PTPRM: variants seen among roughly 807,000 people sequenced by gnomAD.
PTPRM encodes receptor-type tyrosine-protein phosphatase mu.
Under a neutral mutation model 186.7 loss-of-function variants are expected in PTPRM, and 47 were observed. That is an observed-to-expected ratio of 0.25 (90% CI 0.20 to 0.32). PTPRM has a LOEUF of 0.32. PTPRM is among the 10% of genes least tolerant of loss of function. PTPRM has a pLI of 1.00. For synonymous variants in PTPRM, 668 were observed against 674.9 expected, an observed-to-expected ratio of 0.99 and a Z score of 0.16; for missense variants, 1,494 against 1,865.0, an observed-to-expected ratio of 0.80 and a Z score of 3.66.
intron 2 of PTPRM, among the ~76,000 whole-genome samples, chr18:7,804,175 T>A (rs1333659217): frequency 6.6e-6 from 1 of 152,128 alleles, no homozygotes; most frequent in African/African-American, 2.4e-5. Flanking sequence ...TGGGGTGGAC[T>A]CTTCCCTTGT....
At chr18:8,376,705 G>C in intron 26 of PTPRM, 108 bp downstream of exon 26, 1 of 1,326,224 alleles carries the variant, frequency 7.5e-7, no homozygotes, top group Non-Finnish European at 1.0e-6. Flanking sequence ...ATCTGTTCAA[G>C]TGATCTACCT....
At chr18:7,755,329 T>A in intron 1 of PTPRM, 1 of 152,204 alleles carries the variant, frequency 6.6e-6, no homozygotes, top group Non-Finnish European at 1.5e-5. Flanking sequence ...GAAGTTTCCT[T>A]CCAGGAGTTG....
chr18:7,758,251 A>G (rs1173395122), intron 1 of PTPRM, among the ~76,000 whole-genome samples: 1 of 152,216 alleles, frequency 6.6e-6, no homozygotes, highest in African/African-American at 2.4e-5. Flanking sequence ...CTCTGTTCAG[A>G]TACTCAAAGG....
At chr18:7,979,764 G>A (rs2082444688) in intron 7 of PTPRM, among the ~76,000 whole-genome samples, 1 of 152,228 alleles carries the variant, frequency 6.6e-6, no homozygotes, top group Non-Finnish European at 1.5e-5. Context: ...GCTGGCAGAA[G>A]TGTGGAGCGG....
chr18:8,243,982 C>T (rs905932726), intron 14 of PTPRM, 76 bp from the exon 15 acceptor site: 37 of 1,376,170 alleles, frequency 2.7e-5, no homozygotes, highest in Non-Finnish European at 3.6e-5. Context: ...TATTCCTGAA[C>T]ATCTGTCAAT....
intron 17 of PTPRM, chr18:8,248,481 G>A (rs1423130197): frequency 2.2e-6 from 1 of 451,232 alleles, no homozygotes; most frequent in East Asian, 4.6e-5. Context: ...TGATCCCAGG[G>A]GAAAAAAACA....
At chr18:8,202,496 T>C (rs1342181211) in intron 14 of PTPRM, among the ~76,000 whole-genome samples, 1 of 151,920 alleles carries the variant, frequency 6.6e-6, no homozygotes, top group South Asian at 2.1e-4. Context: ...TTTCTCCATA[T>C]GCAAAAAAGT....
intron 7 of PTPRM, among the ~76,000 whole-genome samples, chr18:8,016,239 G>A (rs994241854): frequency 1.3e-5 from 2 of 152,090 alleles, no homozygotes; most frequent in Admixed American, 1.3e-4. Flanking sequence ...AACTTAAAAG[G>A]CCAGGAGTAG....
chr18:7,662,167 C>G (rs1393026768), intron 1 of PTPRM, among the ~76,000 whole-genome samples: 1 of 152,152 alleles, frequency 6.6e-6, no homozygotes, highest in Non-Finnish European at 1.5e-5. Context: ...AACTCCTGGG[C>G]TCAAGCAATC....
At chr18:7,830,781 G>A (rs976084984) in intron 2 of PTPRM, among the ~76,000 whole-genome samples, 10 of 152,194 alleles carry the variant, frequency 6.6e-5, no homozygotes, top group Admixed American at 1.3e-4. Context: ...AGAGAGGTAA[G>A]TCTGTGTCCT....
chr18:7,808,943 A>C (rs1214556499), intron 2 of PTPRM, among the ~76,000 whole-genome samples: 1 of 152,240 alleles, frequency 6.6e-6, no homozygotes. Flanking sequence ...TAAGCAATAC[A>C]GACTTCCAGA....
intron 4 of PTPRM, among the ~76,000 whole-genome samples, chr18:7,914,314 T>TATATATAAATA (rs2050430651): frequency 2.0e-5 from 3 of 152,170 alleles, no homozygotes; most frequent in Non-Finnish European, 4.4e-5. Flanking sequence ...ATGTAGTGGC[T>TATATATAAATA]ACCTTAGTTT....
chr18:7,834,992 C>CTTTTTTT (rs57839485), intron 2 of PTPRM, among the ~76,000 whole-genome samples: 3 of 85,266 alleles, frequency 3.5e-5, no homozygotes, highest in African/African-American at 9.0e-5. Flanking sequence ...TTATTTGGAT[C>CTTTTTTT]TTTTTTTTTT....
At chr18:8,049,278 A>G (rs1256547689) in intron 7 of PTPRM, 1 of 152,206 alleles carries the variant, frequency 6.6e-6, no homozygotes, top group Non-Finnish European at 1.5e-5. Flanking sequence ...CACTTTGGAA[A>G]TGTCACCAAG....
Position 7,926,657 on chromosome 18 carries a change from G to C in PTPRM, c.637G>C (p.Val213Leu). 6.2e-7 allele frequency: 1 copy of C among 1,612,744 alleles called. No individual in the cohort carries two copies. Among genetic ancestry groups the C allele is most frequent in the Non-Finnish European group, 8.5e-7 (1 of 1,179,704 alleles). The change falls in exon 5 of 33, where the codon GTG (valine) becomes CTG (leucine). Residue 213 changes from valine to leucine, a missense_variant. Val to Leu is a conservative substitution (Grantham distance 32). Around this residue, in one of 3 missense-constraint regions of PTPRM, gnomAD observed 296 missense variants for 345.5 expected, o/e 0.86. Coordinates refer to ENST00000580170, the MANE Select transcript of PTPRM (RefSeq NM_001105244.2). ...TFQCSAIGRT[V>L]AGDRLWLQGI... ...CCAGTGCAGTGCCATCGGCAGGACC[G>C]TGGCAGGAGACAGGCTCTGGTTACA...
chr18:8,375,571 C>G (rs568339552), intron 24 of PTPRM, among the ~76,000 whole-genome samples: 6 of 152,322 alleles, frequency 3.9e-5, no homozygotes, highest in Admixed American at 1.3e-4. Flanking sequence ...GTGCACCACT[C>G]CAGTCCCTGC....
chr18:8,313,846 T>A (rs2095287850), intron 20 of PTPRM, among the ~76,000 whole-genome samples: 1 of 152,018 alleles, frequency 6.6e-6, no homozygotes, highest in Admixed American at 6.6e-5. Context: ...ACGAAGCACA[T>A]CCCTTTTTAA....
intron 13 of PTPRM, among the ~76,000 whole-genome samples, chr18:8,127,418 G>GT (rs10700223): frequency 0.036 from 4,779 of 133,742 alleles, 155 homozygotes; most frequent in African/African-American, 0.077. Context: ...CAGCTGTATT[G>GT]TTTTTTTTTT....
chr18:7,960,474 TATATATACACACAC>T (rs2053594791), intron 7 of PTPRM, among the ~76,000 whole-genome samples: 1 of 111,294 alleles, frequency 9.0e-6, no homozygotes. Flanking sequence ...TATATATATA[TATATATACACACAC>T]ACACACACAC....
Sources: gnomAD v4.1 joint callset for allele counts (sites outside exome capture counted in the v4.1 genomes callset) on GRCh38, gnomAD v4.1.1 for gene constraint, gnomAD v4.1.1 regional missense constraint, MANE v1.5 for transcripts, NCBI Gene and HGNC (gene_info 2026-07-23, HGNC 2026-07-21) for gene names.